Variants in ERBB4 observed in about 807,000 individuals in gnomAD.
ERBB4 encodes receptor tyrosine-protein kinase erbB-4.
Under a neutral mutation model 158.0 loss-of-function variants are expected in ERBB4, and 42 were observed. The ratio of observed to expected loss-of-function variants is 0.27; its 90% CI spans 0.21 to 0.34. The LOEUF is 0.34. ERBB4 is among the 10% of genes least tolerant of loss of function. ERBB4 has a pLI of 1.00. For missense variants in ERBB4, 1,333 were observed against 1,624.1 expected (o/e 0.82, Z 3.08); for synonymous variants, 583 against 558.7 (o/e 1.04, Z -0.61).
intron 3 of ERBB4, among the ~76,000 whole-genome samples, chr2:211,803,652 G>C (rs2076549548): frequency 6.6e-6 from 1 of 152,170 alleles, no homozygotes. Context: ...GAATTTATCG[G>C]TAAATTCCCT....
chr2:211,598,825 T>C (rs2068712966), intron 19 of ERBB4, among the ~76,000 whole-genome samples: 1 of 152,232 alleles, frequency 6.6e-6, no homozygotes. Flanking sequence ...TTTTTCTTTT[T>C]AGTTGGTGTT....
intron 2 of ERBB4, among the ~76,000 whole-genome samples, chr2:212,035,781 T>A (rs1342898395): frequency 1.3e-5 from 2 of 152,182 alleles, no homozygotes; most frequent in African/African-American, 4.8e-5. Context: ...CAATAAGTAT[T>A]AATATTTCAA....
At chr2:211,866,704 G>A (rs907202923) in intron 3 of ERBB4, among the ~76,000 whole-genome samples, 1 of 151,916 alleles carries the variant, frequency 6.6e-6, no homozygotes, top group Non-Finnish European at 1.5e-5. Flanking sequence ...TAATCCCACT[G>A]TTTATAAAAA....
intron 20 of ERBB4, among the ~76,000 whole-genome samples, chr2:211,547,441 T>A (rs1048818809): frequency 2.0e-5 from 3 of 152,022 alleles, no homozygotes; most frequent in African/African-American, 7.2e-5. Flanking sequence ...ACTATAAACA[T>A]CTTGAAATCT....
chr2:212,066,114 C>A (rs988782953), intron 2 of ERBB4, among the ~76,000 whole-genome samples: 1 of 151,894 alleles, frequency 6.6e-6, no homozygotes, highest in African/African-American at 2.4e-5. Context: ...AAAGTGGCCA[C>A]TATTACTCAT....
intron 16 of ERBB4, 185 bp downstream of exon 16, chr2:211,657,569 G>A: frequency 1.6e-6 from 1 of 614,344 alleles, no homozygotes. Flanking sequence ...CACAATGAAT[G>A]AAGGAAAAAG....
chr2:212,349,303 AC>A (rs1418282495), intron 1 of ERBB4, among the ~76,000 whole-genome samples: 1 of 151,720 alleles, frequency 6.6e-6, no homozygotes, highest in East Asian at 1.9e-4. Context: ...ACACACACAC[AC>A]ACACACACAC....
chr2:212,268,863 C>T (rs572825007), intron 1 of ERBB4, among the ~76,000 whole-genome samples: 65 of 151,920 alleles, frequency 4.3e-4, no homozygotes, highest in African/African-American at 1.5e-3. Context: ...AAATTATTCA[C>T]ATTGTCACAC....
At chr2:212,036,343 G>C (rs1295755079) in intron 2 of ERBB4, among the ~76,000 whole-genome samples, 1 of 152,034 alleles carries the variant, frequency 6.6e-6, no homozygotes, top group East Asian at 1.9e-4. Context: ...TGTTTCTGAT[G>C]AGAAAGTCAA....
At chr2:211,513,362 AAAAAAAAAAAAAAAC>A (rs1437009205) in intron 20 of ERBB4, among the ~76,000 whole-genome samples, 3 of 120,986 alleles carry the variant, frequency 2.5e-5, no homozygotes, top group East Asian at 4.3e-4. Context: ...CGTCTCAAAA[AAAAAAAAAAAAAAAC>A]AAAAAAAAAA....
chr2:212,328,016 C>T (rs1320381049), intron 1 of ERBB4, among the ~76,000 whole-genome samples: 2 of 81,666 alleles, frequency 2.4e-5, no homozygotes, highest in African/African-American at 1.0e-4. Flanking sequence ...AATCTAGTGT[C>T]TTAAAACAAC....
At chr2:212,071,170 G>T (rs1427273160) in intron 2 of ERBB4, among the ~76,000 whole-genome samples, 1 of 151,872 alleles carries the variant, frequency 6.6e-6, no homozygotes, top group Non-Finnish European at 1.5e-5. Context: ...TGACTATCAT[G>T]TTGACCATCT....
chr2:212,249,905 A>G lies in ERBB4; in HGVS notation c.83-125002T>C, dbSNP rs115279724. Among the ~76,000 whole-genome samples the G allele has an allele frequency of 2.7e-3, 405 of 152,154 alleles. 1 individual carries two copies. The highest frequency in any genetic ancestry group is 9.4e-3 in the African/African-American group (390 of 41,568). On this transcript the variant is annotated intron_variant, in intron 1 of 27. Coordinates refer to ENST00000342788, the MANE Select transcript of ERBB4 (RefSeq NM_005235.3). ...ATGAATATAGTAAAGAAGCTTGACA[A>G]TGTCAAAGAGCTTATATGCAATTGG...
At chr2:211,440,174 A>G (rs1352952521) in intron 20 of ERBB4, among the ~76,000 whole-genome samples, 1 of 152,228 alleles carries the variant, frequency 6.6e-6, no homozygotes, top group Non-Finnish European at 1.5e-5. Flanking sequence ...AGCATGCTAC[A>G]GTTTTTCTCC....
At chr2:212,000,935 A>G (rs2125278783) in intron 2 of ERBB4, among the ~76,000 whole-genome samples, 1 of 152,092 alleles carries the variant, frequency 6.6e-6, no homozygotes, top group East Asian at 1.9e-4. Context: ...ACCTATTCAC[A>G]TTTAAGAAAG....
In ERBB4 at chr2:212,460,632, T is replaced by C. The variant is rs546571662; in HGVS notation, c.82+77817A>G. ...TTTAGGGTATCTGGTGGAAGACATT[T>C]CTAAGCAGCAAAGCCTTCGAGAAGT... On this transcript the variant is annotated intron_variant, in intron 1 of 27. Transcript: ENST00000342788. 2.6e-5 allele frequency among the ~76,000 whole-genome samples: 4 copies of C among 152,274 alleles called. No individual in the cohort carries two copies. In the East Asian group the frequency reaches 7.7e-4, roughly 29 times the overall value.
intron 1 of ERBB4, among the ~76,000 whole-genome samples, chr2:212,274,373 C>T (rs1454456346): frequency 2.6e-5 from 4 of 151,816 alleles, no homozygotes; most frequent in Non-Finnish European, 5.9e-5. Flanking sequence ...ATGAACAATA[C>T]AGGAGAACTG....
At chr2:211,687,933 T>C (rs2072633265) in intron 12 of ERBB4, among the ~76,000 whole-genome samples, 1 of 152,208 alleles carries the variant, frequency 6.6e-6, no homozygotes, top group African/African-American at 2.4e-5. Flanking sequence ...AATCCCAGTA[T>C]ATATCTTTAA....
chr2:212,111,243 TATA>T (rs1290768121), intron 2 of ERBB4, among the ~76,000 whole-genome samples: 2 of 152,224 alleles, frequency 1.3e-5, no homozygotes, highest in Non-Finnish European at 2.9e-5. Context: ...AGTCTTTCCT[TATA>T]ATGATTATTG....
Sources: gnomAD v4.1 joint callset for allele counts (sites outside exome capture counted in the v4.1 genomes callset) on GRCh38, gnomAD v4.1.1 for gene constraint, MANE v1.5 for transcripts, NCBI Gene and HGNC (gene_info 2026-07-23, HGNC 2026-07-21) for gene names.